KCNN2: variants seen among roughly 807,000 people sequenced by gnomAD.
KCNN2 encodes the protein small conductance calcium-activated potassium channel protein 2.
Under a neutral mutation model 55.5 loss-of-function variants are expected in KCNN2, and 24 were observed. That is an observed-to-expected ratio of 0.43 (90% CI 0.31 to 0.61). The LOEUF (loss-of-function observed/expected upper bound fraction) is 0.61, where lower values mean the gene tolerates loss of function less well. KCNN2 is among the 20% of genes least tolerant of loss of function. KCNN2 has a pLI of 0.08. For missense variants in KCNN2, 754 were observed against 853.6 expected, an observed-to-expected ratio of 0.88 and a Z score of 1.45; for synonymous variants, 431 against 336.1, an observed-to-expected ratio of 1.28 and a Z score of -3.09.
intron 1 of KCNN2, among the ~76,000 whole-genome samples, chr5:114,076,654 A>G (rs574746332): frequency 2.6e-4 from 39 of 152,288 alleles, no homozygotes; most frequent in Middle Eastern, 6.8e-3. Context: ...AAGATTTTCC[A>G]AAAGAAGAAG....
At chr5:114,069,421 T>A (rs1750520732) in intron 1 of KCNN2, among the ~76,000 whole-genome samples, 1 of 152,168 alleles carries the variant, frequency 6.6e-6, no homozygotes, top group Non-Finnish European at 1.5e-5. Flanking sequence ...GCCAGCAACA[T>A]CTCCAGTTTT....
At chr5:114,056,217 C>T (rs545255942) in exon 1 of KCNN2, 1 of 395,508 alleles carries the variant, frequency 2.5e-6, no homozygotes, top group Non-Finnish European at 4.5e-6. Context: ...GCGCCCGCGC[C>T]CCGGAGCTCT....
chr5:114,372,677 A>T (rs1205981108), intron 2 of KCNN2, among the ~76,000 whole-genome samples: 1 of 152,132 alleles, frequency 6.6e-6, no homozygotes, highest in South Asian at 2.1e-4. Flanking sequence ...AATTAGTCTA[A>T]TCTTACCACC....
intron 1 of KCNN2, among the ~76,000 whole-genome samples, chr5:114,200,610 A>C (rs1472548892): frequency 6.6e-6 from 1 of 150,994 alleles, no homozygotes. Context: ...CTGTGAACTT[A>C]TGTTGATATT....
intron 1 of KCNN2, among the ~76,000 whole-genome samples, chr5:114,138,160 T>C (rs1280421270): frequency 1.3e-5 from 2 of 151,864 alleles, no homozygotes; most frequent in African/African-American, 2.4e-5. Flanking sequence ...CCACAACACA[T>C]TGACAGTGAA....
intron 2 of KCNN2, among the ~76,000 whole-genome samples, chr5:114,225,711 A>G (rs9637896): frequency 0.11 from 16,914 of 152,228 alleles, 1,194 homozygotes; most frequent in South Asian, 0.24. Flanking sequence ...TCAAATTTTT[A>G]TAAGACTTAC....
intron 3 of KCNN2, among the ~76,000 whole-genome samples, chr5:114,446,468 T>C (rs1293949083): frequency 6.6e-6 from 1 of 152,176 alleles, no homozygotes; most frequent in Admixed American, 6.5e-5. Flanking sequence ...ATTTATATTT[T>C]ATTTTTTGAG....
At chr5:114,311,242 C>T (rs751049075) in intron 2 of KCNN2, among the ~76,000 whole-genome samples, 4 of 152,070 alleles carry the variant, frequency 2.6e-5, no homozygotes, top group Non-Finnish European at 5.9e-5. Flanking sequence ...ACATATTTCT[C>T]ATATTTGAAG....
chr5:114,352,769 G>C (rs1757231679), intron 2 of KCNN2, among the ~76,000 whole-genome samples: 1 of 151,844 alleles, frequency 6.6e-6, no homozygotes, highest in Non-Finnish European at 1.5e-5. Flanking sequence ...CGAGGTACAA[G>C]TGCAATTTTG....
intron 2 of KCNN2, among the ~76,000 whole-genome samples, chr5:114,299,863 A>G (rs1756115585): frequency 6.6e-6 from 1 of 152,088 alleles, no homozygotes; most frequent in Admixed American, 6.5e-5. Flanking sequence ...CTACCCAGTC[A>G]TCTACCACCC....
At chr5:114,305,320 A>G (rs938308401) in intron 2 of KCNN2, among the ~76,000 whole-genome samples, 1 of 152,176 alleles carries the variant, frequency 6.6e-6, no homozygotes, top group African/African-American at 2.4e-5. Context: ...AACAGGAGAT[A>G]CCTCTCTGGA....
intron 2 of KCNN2, among the ~76,000 whole-genome samples, chr5:114,321,823 C>A (rs1262875838): frequency 6.6e-6 from 1 of 152,072 alleles, no homozygotes; most frequent in Non-Finnish European, 1.5e-5. Flanking sequence ...GCACGTGCCA[C>A]CATGCCCGGC....
At chr5:114,323,907 A>G (rs1462003439) in intron 2 of KCNN2, among the ~76,000 whole-genome samples, 1 of 151,978 alleles carries the variant, frequency 6.6e-6, no homozygotes, top group African/African-American at 2.4e-5. Flanking sequence ...TTGGCCTCCC[A>G]AAGTGCTGGG....
At chr5:114,275,647 G>T (rs1755471079) in intron 2 of KCNN2, among the ~76,000 whole-genome samples, 2 of 152,024 alleles carry the variant, frequency 1.3e-5, no homozygotes, top group Admixed American at 6.6e-5. Context: ...TTCTCTGATG[G>T]TAGTTTGTAT....
chr5:114,378,559 G>C (rs1758011762), intron 2 of KCNN2, among the ~76,000 whole-genome samples: 2 of 152,182 alleles, frequency 1.3e-5, no homozygotes. Flanking sequence ...CTGTGTAGGA[G>C]TTTGTACCCC....
At chr5:114,376,557 C>G (rs1046933847) in intron 2 of KCNN2, among the ~76,000 whole-genome samples, 3 of 152,224 alleles carry the variant, frequency 2.0e-5, no homozygotes, top group African/African-American at 7.2e-5. Flanking sequence ...ACGATAGGCT[C>G]AGATGCCCTT....
intron 3 of KCNN2, among the ~76,000 whole-genome samples, chr5:114,417,452 G>GT (rs1759340237): frequency 6.6e-6 from 1 of 152,154 alleles, no homozygotes; most frequent in African/African-American, 2.4e-5. Context: ...ACTCTGCTAG[G>GT]TTTTTTATCC....
chr5:114,290,585 C>G (rs942145408), intron 2 of KCNN2, among the ~76,000 whole-genome samples: 2 of 151,788 alleles, frequency 1.3e-5, no homozygotes, highest in Non-Finnish European at 2.9e-5. Context: ...TGTCACTATT[C>G]TCTAATTTTT....
chr5:114,404,116 A>G (rs958551179), intron 2 of KCNN2, among the ~76,000 whole-genome samples: 1 of 152,192 alleles, frequency 6.6e-6, no homozygotes, highest in African/African-American at 2.4e-5. Context: ...AGGCGAGTCC[A>G]TTTCGACTTC....
Sources: gnomAD v4.1 joint callset for allele counts (sites outside exome capture counted in the v4.1 genomes callset) on GRCh38, gnomAD v4.1.1 for gene constraint, MANE v1.5 for transcripts, NCBI Gene and HGNC (gene_info 2026-07-23, HGNC 2026-07-21) for gene names.